Variants in RABGEF1 observed in about 807,000 individuals in gnomAD.
RABGEF1 encodes rab5 GDP/GTP exchange factor.
In RABGEF1, 26 loss-of-function variants were observed where a neutral mutation model predicts 57.3. The ratio of observed to expected loss-of-function variants is 0.45; its 90% CI spans 0.33 to 0.63. RABGEF1 has a LOEUF of 0.63. RABGEF1 is among the 20% of genes least tolerant of loss of function. RABGEF1 has a pLI of 0.02. For synonymous variants in RABGEF1, 185 were observed against 210.7 expected (o/e 0.88, Z 1.06); for missense variants, 464 against 607.6 (o/e 0.76, Z 2.48).
intron 2 of RABGEF1, among the ~76,000 whole-genome samples, chr7:66,735,064 T>C (rs1797792093): frequency 6.6e-6 from 1 of 152,252 alleles, no homozygotes; most frequent in Non-Finnish European, 1.5e-5. Context: ...TATTTCCTAC[T>C]AGCTAGTCTA....
rs746207790 is a variant in RABGEF1, at chr7:66,802,102, G to A, written c.820+2688G>A. 7.2e-5 allele frequency among the ~76,000 whole-genome samples: 11 copies of A among 152,220 alleles called. 1 individual carries two copies. Among genetic ancestry groups the A allele is most frequent in the Admixed American group, 4.6e-4 (7 of 15,296 alleles). ...TTTTTGTTTACATTCTGTAGAGACA[G>A]AGTTTCATCATGTTGCCTTGGCTGC... is the stretch of plus-strand genomic sequence containing the variant. On this transcript the variant is annotated intron_variant, in intron 7 of 8. Transcript: ENST00000284957.
chr7:66,728,299 T>A (rs1356037220), intron 2 of RABGEF1, among the ~76,000 whole-genome samples: 1 of 152,136 alleles, frequency 6.6e-6, no homozygotes, highest in East Asian at 1.9e-4. Context: ...CCCCTTCCTG[T>A]CTATTGTCTT....
chr7:66,675,103 A>G, the RABGEF1 span, among the ~76,000 whole-genome samples: 4 of 152,172 alleles, frequency 2.6e-5, no homozygotes, highest in Admixed American at 1.3e-4. Flanking sequence ...GCGATTTTCT[A>G]ATCACTTAAT....
At chr7:66,729,161 A>G (rs1349420765) in intron 2 of RABGEF1, among the ~76,000 whole-genome samples, 1 of 151,894 alleles carries the variant, frequency 6.6e-6, no homozygotes, top group Non-Finnish European at 1.5e-5. Context: ...TGTGTTAGCC[A>G]GGATTGTCTC....
chr7:66,756,097 T>G (rs1335010149), intron 1 of RABGEF1: 2 of 1,389,164 alleles, frequency 1.4e-6, no homozygotes, highest in Non-Finnish European at 1.9e-6. Context: ...GAAAGATATA[T>G]AAGAAGAATA....
chr7:66,712,097 T>C (rs1363540665), intron 1 of RABGEF1: 1 of 152,232 alleles, frequency 6.6e-6, no homozygotes, highest in African/African-American at 2.4e-5. Context: ...CATATACATT[T>C]TACAACCAGC....
At chr7:66,756,583 A>G (rs1238675953) in intron 1 of RABGEF1, among the ~76,000 whole-genome samples, 1 of 151,808 alleles carries the variant, frequency 6.6e-6, no homozygotes, top group East Asian at 1.9e-4. Context: ...CTAGTCCCTT[A>G]TTTGCTTTTA....
intron 4 of RABGEF1, among the ~76,000 whole-genome samples, chr7:66,790,387 G>T (rs1273081318): frequency 6.6e-6 from 1 of 152,130 alleles, no homozygotes; most frequent in South Asian, 2.1e-4. Flanking sequence ...GTTGTAACAA[G>T]GTTTGAGGGA....
intron 1 of RABGEF1, among the ~76,000 whole-genome samples, chr7:66,687,578 T>A (rs1320969661): frequency 1.3e-5 from 2 of 151,540 alleles, no homozygotes; most frequent in African/African-American, 4.9e-5. Flanking sequence ...ACTCAGGCAG[T>A]TGAGGTGGGA....
At chr7:66,747,101 A>G (rs1331574157) in intron 1 of RABGEF1, among the ~76,000 whole-genome samples, 1 of 152,030 alleles carries the variant, frequency 6.6e-6, no homozygotes, top group African/African-American at 2.4e-5. Context: ...GCCCTAGTGG[A>G]ACATTTTAAT....
At chr7:66,765,757 C>G (rs1480859268) in intron 1 of RABGEF1, among the ~76,000 whole-genome samples, 1 of 152,182 alleles carries the variant, frequency 6.6e-6, no homozygotes, top group Non-Finnish European at 1.5e-5. Context: ...GCAAAAGACT[C>G]TAACACAGTT....
At chr7:66,716,678 CAT>C (rs1315190312) in intron 2 of RABGEF1, among the ~76,000 whole-genome samples, 2 of 152,142 alleles carry the variant, frequency 1.3e-5, no homozygotes, top group African/African-American at 4.8e-5. Context: ...ACTCTTCTGT[CAT>C]TGTCTTTTAG....
At chr7:66,766,265 C>T (rs1156591831) in intron 1 of RABGEF1, among the ~76,000 whole-genome samples, 1 of 149,790 alleles carries the variant, frequency 6.7e-6, no homozygotes, top group Middle Eastern at 3.2e-3. Flanking sequence ...GCTGTGATCA[C>T]GCCACTGCAC....
intron 5 of RABGEF1, chr7:66,796,773 T>C: frequency 3.0e-6 from 1 of 328,200 alleles, no homozygotes; most frequent in Non-Finnish European, 5.9e-6. Context: ...GTATTTTTAT[T>C]AGAGAGGAGA....
At chr7:66,752,094 G>A (rs1183612344) in intron 1 of RABGEF1, among the ~76,000 whole-genome samples, 2 of 152,074 alleles carry the variant, frequency 1.3e-5, no homozygotes, top group Admixed American at 6.6e-5. Context: ...AGCTACTCAG[G>A]AGGCTGAGGC....
intron 6 of RABGEF1, among the ~76,000 whole-genome samples, chr7:66,798,031 G>A (rs750851811): frequency 2.0e-5 from 3 of 152,130 alleles, no homozygotes; most frequent in Non-Finnish European, 4.4e-5. Context: ...GCACGAGAAT[G>A]GCTTGAATCC....
chr7:66,740,981 C>T (rs1269366759), intron 1 of RABGEF1, among the ~76,000 whole-genome samples, 189 bp downstream of exon 1: 1 of 152,186 alleles, frequency 6.6e-6, no homozygotes, highest in African/African-American at 2.4e-5. Flanking sequence ...CCGCCTTCCC[C>T]GTTCCAGGCC....
At chr7:66,677,814 C>G (rs1789393306), upstream of RABGEF1, among the ~76,000 whole-genome samples, 4 of 149,498 alleles carry the variant, frequency 2.7e-5, no homozygotes. Context: ...TTTGGTGGCT[C>G]AAGCACTTTG....
intron 1 of RABGEF1, among the ~76,000 whole-genome samples, chr7:66,747,190 G>C (rs1052626770): frequency 6.6e-6 from 1 of 152,186 alleles, no homozygotes; most frequent in African/African-American, 2.4e-5. Context: ...TTAATTAAAT[G>C]TGGTTAAAAG....
Sources: gnomAD v4.1 joint callset for allele counts (sites outside exome capture counted in the v4.1 genomes callset) on GRCh38, gnomAD v4.1.1 for gene constraint, MANE v1.5 for transcripts, NCBI Gene and HGNC (gene_info 2026-07-23, HGNC 2026-07-21) for gene names.